The following VRK1 variants were observed in gnomAD, a reference collection of about 807,000 sequenced individuals.
VRK1 encodes serine/threonine-protein kinase VRK1.
In VRK1, 33 loss-of-function variants were observed where a neutral mutation model predicts 57.1. The observed-to-expected ratio is 0.58, with a 90% CI of 0.44 to 0.77. The LOEUF is 0.77. Ranked by LOEUF, VRK1 falls within the 30% of genes least tolerant of loss-of-function variation. VRK1 has a pLI of 0.00. For missense variants in VRK1, 413 were observed against 477.3 expected, an observed-to-expected ratio of 0.87 and a Z score of 1.25; for synonymous variants, 137 against 147.8, an observed-to-expected ratio of 0.93 and a Z score of 0.53.
At chr14:96,816,306 C>G (rs1347137204) in intron 1 of VRK1, among the ~76,000 whole-genome samples, 1 of 152,136 alleles carries the variant, frequency 6.6e-6, no homozygotes, top group Admixed American at 6.5e-5. Flanking sequence ...AAAACCAAGA[C>G]CACTGTGCCA....
intron 5 of VRK1, 26 bp downstream of exon 5, chr14:96,847,370 C>G: frequency 6.3e-7 from 1 of 1,579,638 alleles, no homozygotes; most frequent in Non-Finnish European, 8.7e-7. Flanking sequence ...ATTTGTCTTT[C>G]TCCTTCCCTT....
intron 10 of VRK1, among the ~76,000 whole-genome samples, chr14:96,859,584 T>G (rs1275202702): frequency 6.6e-6 from 1 of 152,188 alleles, no homozygotes; most frequent in African/African-American, 2.4e-5. Context: ...ATTCCAAGTA[T>G]TTAGGAATAG....
chr14:96,838,525 T>C (rs1887313208), intron 3 of VRK1, among the ~76,000 whole-genome samples: 2 of 151,180 alleles, frequency 1.3e-5, no homozygotes, highest in Non-Finnish European at 2.9e-5. Flanking sequence ...ACCAACAGGA[T>C]GTATTATCTG....
chr14:96,857,810 G>A (rs1210977373), intron 10 of VRK1, among the ~76,000 whole-genome samples: 2 of 152,082 alleles, frequency 1.3e-5, no homozygotes, highest in Non-Finnish European at 2.9e-5. Context: ...AATACAATGT[G>A]GGTTTCTCAG....
chr14:96,813,830 G>A (rs548563205), intron 1 of VRK1, among the ~76,000 whole-genome samples: 84 of 152,106 alleles, frequency 5.5e-4, no homozygotes, highest in South Asian at 1.0e-3. Context: ...TAGCAAAAAG[G>A]CATTTTTACA....
intron 12 of VRK1, among the ~76,000 whole-genome samples, chr14:96,878,534 G>C (rs941874006): frequency 3.3e-5 from 5 of 152,122 alleles, no homozygotes; most frequent in Non-Finnish European, 5.9e-5. Context: ...AGCAAAATGG[G>C]AGCAACTTTC....
chr14:96,859,422 G>A (rs1000793375), intron 10 of VRK1, among the ~76,000 whole-genome samples: 12 of 152,106 alleles, frequency 7.9e-5, no homozygotes. Flanking sequence ...ATACTGAAGG[G>A]ATATGGCAAA....
chr14:96,806,198 T>C (rs747868135), intron 1 of VRK1, among the ~76,000 whole-genome samples: 5 of 152,174 alleles, frequency 3.3e-5, no homozygotes, highest in Non-Finnish European at 4.4e-5. Flanking sequence ...GGATTCCCAG[T>C]CGGGGATGTT....
chr14:96,840,070 G>A (rs779561401), intron 3 of VRK1, among the ~76,000 whole-genome samples: 1 of 152,072 alleles, frequency 6.6e-6, no homozygotes, highest in Admixed American at 6.6e-5. Flanking sequence ...TTTCCCCACT[G>A]TTTCTCAATT....
intron 2 of VRK1, among the ~76,000 whole-genome samples, chr14:96,836,554 G>A (rs1044279604): frequency 2.4e-5 from 3 of 123,818 alleles, no homozygotes; most frequent in South Asian, 2.6e-4. Flanking sequence ...ATGGAGTCTC[G>A]CTCTGTTGCC....
At chr14:96,849,692 A>G (rs1887872705) in intron 5 of VRK1, among the ~76,000 whole-genome samples, 1 of 152,204 alleles carries the variant, frequency 6.6e-6, no homozygotes, top group East Asian at 1.9e-4. Context: ...TGTTTCTTGC[A>G]GTCATCATCA....
chr14:96,876,106 A>C lies in VRK1; in HGVS notation c.1145A>C (p.Glu382Ala). Residue 382 changes from glutamate to alanine, a missense_variant, in exon 12 of 13, where the codon GAG becomes GCG. Glu to Ala is a moderately radical substitution (Grantham distance 107, BLOSUM62 -1). Coordinates refer to ENST00000216639, the MANE Select transcript of VRK1 (RefSeq NM_003384.3). Reference protein sequence around the residue: ...DTEWSNTQTEEAIQTRSRTRK... With the variant: ...DTEWSNTQTEAAIQTRSRTRK... ...GAATGGTCAAACACACAGACAGAGG[A>C]GGCCATACAGACCCGTAAGTTGAAC... 6.2e-7 allele frequency: 1 copy of C among 1,613,606 alleles called. No individual in the cohort carries two copies. The highest frequency in any genetic ancestry group is 1.1e-5 in the South Asian group (1 of 91,084).
At chr14:96,808,544 G>A (rs182117460) in intron 1 of VRK1, among the ~76,000 whole-genome samples, 346 of 152,186 alleles carry the variant, frequency 2.3e-3, no homozygotes, top group Non-Finnish European at 3.7e-3. Flanking sequence ...GATTATGTGG[G>A]GATATCTTGC....
At chr14:96,843,676 T>G (rs1240495323) in intron 3 of VRK1, among the ~76,000 whole-genome samples, 3 of 152,232 alleles carry the variant, frequency 2.0e-5, no homozygotes, top group Non-Finnish European at 2.9e-5. Flanking sequence ...CAATTTCTTT[T>G]CTAAATCTTG....
chr14:96,859,507 T>C (rs1010674599), intron 10 of VRK1, among the ~76,000 whole-genome samples: 3 of 152,248 alleles, frequency 2.0e-5, no homozygotes, highest in African/African-American at 4.8e-5. Flanking sequence ...TTAGGTTTTT[T>C]GTACATCTCC....
intron 2 of VRK1, among the ~76,000 whole-genome samples, chr14:96,834,647 T>A (rs2139751358): frequency 6.6e-6 from 1 of 152,324 alleles, no homozygotes; most frequent in Non-Finnish European, 1.5e-5. Context: ...GAAACATAGC[T>A]TGAAATCTAG....
At chr14:96,811,070 C>T (rs942006962) in intron 1 of VRK1, among the ~76,000 whole-genome samples, 2 of 152,068 alleles carry the variant, frequency 1.3e-5, no homozygotes, top group Non-Finnish European at 2.9e-5. Flanking sequence ...GCTGGGATTA[C>T]AGGTGCACGC....
chr14:96,803,824 A>AT (rs918375157), intron 1 of VRK1, among the ~76,000 whole-genome samples: 4 of 151,554 alleles, frequency 2.6e-5, no homozygotes, highest in South Asian at 2.1e-4. Context: ...TGCCATTCAT[A>AT]TTTTTTTTGG....
In VRK1 at chr14:96,856,131, C is replaced by G; in HGVS notation, c.711C>G (p.Ala237=). The G allele has an allele frequency of 1.2e-6, 2 of 1,613,458 alleles. No homozygotes were observed. Among genetic ancestry groups the G allele is most frequent in the Non-Finnish European group, 1.7e-6 (2 of 1,179,704 alleles). ...AATGTTCTTCTCTTGCATTTGTAGC[C>G]CCATCAAGACGTGGTGATTTGGAAA... ...FTSIDAHNGV[A]PSRRGDLEIL... The change falls in exon 9 of 13, where the codon GCC becomes GCG. Residue 237 remains alanine, a splice_region_variant and synonymous_variant. Coordinates refer to ENST00000216639, the MANE Select transcript of VRK1 (RefSeq NM_003384.3).
Sources: gnomAD v4.1 joint callset for allele counts (sites outside exome capture counted in the v4.1 genomes callset) on GRCh38, gnomAD v4.1.1 for gene constraint, MANE v1.5 for transcripts, NCBI Gene and HGNC (gene_info 2026-07-23, HGNC 2026-07-21) for gene names.